The following PRIM2 variants were observed in gnomAD, a reference collection of about 807,000 sequenced individuals.
PRIM2 encodes the protein DNA primase large subunit.
A neutral mutation model predicts 67.3 loss-of-function variants in PRIM2; 39 were observed. The ratio of observed to expected loss-of-function variants is 0.58; its 90% CI spans 0.45 to 0.76. The LOEUF (loss-of-function observed/expected upper bound fraction) is 0.76, where lower values mean the gene tolerates loss of function less well. Among genes scored for constraint, PRIM2 ranks in the 30% least tolerant of loss-of-function variants. The pLI, the probability that PRIM2 is intolerant of heterozygous loss-of-function variation, is 0.00. For synonymous variants in PRIM2, 143 were observed against 198.7 expected, an observed-to-expected ratio of 0.72 and a Z score of 2.36; for missense variants, 398 against 598.7, an observed-to-expected ratio of 0.66 and a Z score of 3.50.
At chr6:57,594,070 G>A (rs1776325883) in intron 10 of PRIM2, among the ~76,000 whole-genome samples, 1 of 152,124 alleles carries the variant, frequency 6.6e-6, no homozygotes, top group South Asian at 2.1e-4. Flanking sequence ...GTTCATGTTT[G>A]TGACTAAAGA....
intron 7 of PRIM2, among the ~76,000 whole-genome samples, chr6:57,453,361 A>G (rs186734113): frequency 2.0e-5 from 3 of 152,150 alleles, no homozygotes; most frequent in South Asian, 2.1e-4. Flanking sequence ...CATTGAATCT[A>G]TAAATTACCT....
chr6:57,290,211 CAGACTT>C, the PRIM2 span, among the ~76,000 whole-genome samples: 1 of 150,736 alleles, frequency 6.6e-6, no homozygotes, highest in Non-Finnish European at 1.5e-5. Context: ...TCTGATAAAA[CAGACTT>C]AGTCTCTGAT....
At chr6:57,611,760 T>C (rs1430631605) in intron 12 of PRIM2, among the ~76,000 whole-genome samples, 1 of 152,140 alleles carries the variant, frequency 6.6e-6, no homozygotes, top group African/African-American at 2.4e-5. Context: ...AATTAGACTT[T>C]ACCAAAATTA....
At chr6:57,367,373 C>A (rs1769394234) in intron 5 of PRIM2, among the ~76,000 whole-genome samples, 1 of 151,978 alleles carries the variant, frequency 6.6e-6, no homozygotes, top group African/African-American at 2.4e-5. Flanking sequence ...GAAGAAAGTA[C>A]TTTGTAAGAA....
chr6:57,249,640 G>A, the PRIM2 span, among the ~76,000 whole-genome samples: 1 of 152,180 alleles, frequency 6.6e-6, no homozygotes, highest in Admixed American at 6.5e-5. Flanking sequence ...TACTCAGGAG[G>A]CTGAGGCAGG....
intron 10 of PRIM2, among the ~76,000 whole-genome samples, chr6:57,538,909 C>G (rs1775074751): frequency 6.6e-6 from 1 of 152,194 alleles, no homozygotes; most frequent in Non-Finnish European, 1.5e-5. Flanking sequence ...CCTTAATTAT[C>G]CCTTTAGAGG....
At chr6:57,411,159 C>T (rs1477056852) in intron 7 of PRIM2, among the ~76,000 whole-genome samples, 1 of 151,968 alleles carries the variant, frequency 6.6e-6, no homozygotes, top group Non-Finnish European at 1.5e-5. Flanking sequence ...CTCCTGCTCT[C>T]ACCATGTGAA....
intron 7 of PRIM2, among the ~76,000 whole-genome samples, chr6:57,425,409 G>A (rs371205350): frequency 6.6e-6 from 1 of 152,156 alleles, no homozygotes; most frequent in East Asian, 1.9e-4. Flanking sequence ...TAGAGATGGG[G>A]TTTCACCATG....
chr6:57,263,811 C>T, the PRIM2 span, among the ~76,000 whole-genome samples: 6 of 152,168 alleles, frequency 3.9e-5, no homozygotes, highest in Admixed American at 3.3e-4. Flanking sequence ...AGCCCAAGGA[C>T]AAAACCTGTT....
chr6:57,446,175 C>A (rs571248598), intron 7 of PRIM2, among the ~76,000 whole-genome samples: 1 of 152,068 alleles, frequency 6.6e-6, no homozygotes, highest in Non-Finnish European at 1.5e-5. Flanking sequence ...TCTGAAAAGA[C>A]GTCTTGTAAA....
chr6:57,331,077 A>G lies in PRIM2; in HGVS notation c.459+5032A>G, dbSNP rs915518205. Reference sequence around the variant, plus strand: ...GTGGTGCGTGCCTGTAGTCCCAGCTACTCAGGAGGCTGAGGCAGTAGAATT... The same window carrying G: ...GTGGTGCGTGCCTGTAGTCCCAGCTGCTCAGGAGGCTGAGGCAGTAGAATT... On this transcript the variant is annotated intron_variant, in intron 5 of 13. Coordinates refer to ENST00000615550, the MANE Select transcript of PRIM2 (RefSeq NM_000947.5). 1.6e-3 allele frequency among the ~76,000 whole-genome samples: 240 copies of G among 151,588 alleles called. 2 individuals are homozygous for G. The highest frequency in any genetic ancestry group is 0.016 in the Admixed American group (237 of 15,186).
chr6:57,463,036 T>C (rs1773058965), intron 7 of PRIM2, among the ~76,000 whole-genome samples: 1 of 152,186 alleles, frequency 6.6e-6, no homozygotes, highest in East Asian at 1.9e-4. Flanking sequence ...GTGAGCTAGC[T>C]GTTTCAGGGT....
intron 7 of PRIM2, among the ~76,000 whole-genome samples, chr6:57,397,267 A>G (rs572693993): frequency 6.6e-6 from 1 of 152,234 alleles, no homozygotes; most frequent in Non-Finnish European, 1.5e-5. Context: ...ATGTTTCCCA[A>G]GCTTTTAGAA....
chr6:57,483,203 C>T (rs1344137528), intron 7 of PRIM2, among the ~76,000 whole-genome samples: 14 of 152,168 alleles, frequency 9.2e-5, no homozygotes, highest in South Asian at 4.2e-4. Flanking sequence ...CCACTGCGCC[C>T]GGATGATTTT....
intron 7 of PRIM2, among the ~76,000 whole-genome samples, chr6:57,400,019 T>A (rs1770652202): frequency 6.6e-6 from 1 of 152,268 alleles, no homozygotes; most frequent in Admixed American, 6.5e-5. Flanking sequence ...ATGGGTCTCT[T>A]GAAGACAGCA....
intron 5 of PRIM2, chr6:57,326,438 A>C (rs1767856716): frequency 6.3e-6 from 1 of 158,448 alleles, no homozygotes; most frequent in African/African-American, 2.4e-5. Context: ...GTCAGTTGTC[A>C]GGCGGGGCGT....
chr6:57,529,459 A>G (rs1774841346), intron 8 of PRIM2, among the ~76,000 whole-genome samples: 1 of 152,220 alleles, frequency 6.6e-6, no homozygotes, highest in Non-Finnish European at 1.5e-5. Context: ...CACTGAAACA[A>G]TTATCTGGTT....
chr6:57,542,796 T>C (rs1281903136), intron 10 of PRIM2, among the ~76,000 whole-genome samples: 4 of 151,916 alleles, frequency 2.6e-5, no homozygotes, highest in Non-Finnish European at 4.4e-5. Context: ...TACATGTTTT[T>C]TCAATGACAT....
At chr6:57,506,777 G>A (rs1774259601) in intron 7 of PRIM2, among the ~76,000 whole-genome samples, 1 of 152,018 alleles carries the variant, frequency 6.6e-6, no homozygotes, top group African/African-American at 2.4e-5. Flanking sequence ...ATGATATGCT[G>A]TCAAGTTGGT....
Sources: allele counts gnomAD v4.1 joint callset (sites outside exome capture counted in the v4.1 genomes callset), GRCh38; gene constraint gnomAD v4.1.1; transcripts MANE v1.5; gene names NCBI Gene and HGNC (gene_info 2026-07-23, HGNC 2026-07-21).